Variants in CORO1C observed in about 807,000 individuals in gnomAD.
CORO1C encodes the protein coronin-1C.
In CORO1C, 14 loss-of-function variants were observed where a neutral mutation model predicts 51.2. That is an observed-to-expected ratio of 0.27 (90% CI 0.18 to 0.43). The LOEUF is 0.43. Among genes scored for constraint, CORO1C ranks in the 20% least tolerant of loss-of-function variants. CORO1C has a pLI of 1.00. For synonymous variants in CORO1C, 181 were observed against 210.5 expected, an observed-to-expected ratio of 0.86 and a Z score of 1.21; for missense variants, 417 against 607.8, an observed-to-expected ratio of 0.69 and a Z score of 3.30.
intron 8 of CORO1C, among the ~76,000 whole-genome samples, chr12:108,649,973 C>CTA (rs1229835121): frequency 6.6e-6 from 1 of 152,160 alleles, no homozygotes; most frequent in Non-Finnish European, 1.5e-5. Flanking sequence ...AAACCTGCAG[C>CTA]CTTTGGCATC....
intron 1 of CORO1C, among the ~76,000 whole-genome samples, chr12:108,727,811 T>C (rs2035627453): frequency 6.6e-6 from 1 of 152,144 alleles, no homozygotes; most frequent in African/African-American, 2.4e-5. Flanking sequence ...AAAGGACATG[T>C]CAGAATCCAA....
At chr12:108,670,708 C>A (rs2033682056) in intron 3 of CORO1C, among the ~76,000 whole-genome samples, 1 of 151,732 alleles carries the variant, frequency 6.6e-6, no homozygotes, top group Non-Finnish European at 1.5e-5. Flanking sequence ...AGGTTGAACT[C>A]CAAAATTACT....
chr12:108,724,824 A>T (rs1467841824), intron 1 of CORO1C, among the ~76,000 whole-genome samples: 2 of 152,180 alleles, frequency 1.3e-5, no homozygotes, highest in African/African-American at 4.8e-5. Context: ...CCTTTGCATT[A>T]TATTAATTAC....
At chr12:108,712,913 TAAAAAA>T (rs142742201) in intron 1 of CORO1C, among the ~76,000 whole-genome samples, 1 of 128,078 alleles carries the variant, frequency 7.8e-6, no homozygotes, top group Non-Finnish European at 1.6e-5. Context: ...CATGTCTCTT[TAAAAAA>T]AAAAAAAAAA....
intron 2 of CORO1C, among the ~76,000 whole-genome samples, chr12:108,689,858 A>G (rs1754576557): frequency 6.6e-6 from 1 of 152,160 alleles, no homozygotes; most frequent in Non-Finnish European, 1.5e-5. Context: ...GAATTCTTCA[A>G]CTCAGCAAGG....
chr12:108,664,105 T>A (rs1475272743), intron 3 of CORO1C, among the ~76,000 whole-genome samples: 1 of 152,210 alleles, frequency 6.6e-6, no homozygotes, highest in Admixed American at 6.5e-5. Context: ...TTAAATAATA[T>A]TTAAGTTTAT....
At chr12:108,713,963 C>T (rs915376173) in intron 1 of CORO1C, among the ~76,000 whole-genome samples, 1 of 152,164 alleles carries the variant, frequency 6.6e-6, no homozygotes, top group African/African-American at 2.4e-5. Context: ...AATCAAAATA[C>T]AGAAACCAGC....
rs1326224275 is a variant in CORO1C, at chr12:108,656,172, C to T, written c.750+1132G>A. Among the ~76,000 whole-genome samples the T allele has an allele frequency of 8.5e-5, 4 of 47,244 alleles. 1 individual carries two copies. The South Asian group carries it at 4.4e-3, about 52-fold the overall frequency. The allele number at this position is 47,244 out of a possible 152,430, so 31.0% of individuals were successfully genotyped here. On this transcript the variant is annotated intron_variant, in intron 6 of 10. Transcript: ENST00000261401. ...CCGCCCCGTCTGAGAAGTGAGGAGC[C>T]CCTCCGCCCGGCAGCCGCCCCGTCT...
At chr12:108,721,493 TTGTAA>T (rs896708925) in intron 1 of CORO1C, among the ~76,000 whole-genome samples, 4 of 152,248 alleles carry the variant, frequency 2.6e-5, no homozygotes, top group African/African-American at 9.6e-5. Context: ...TGGAGGAGGC[TTGTAA>T]TGTATTTTTT....
chr12:108,678,507 G>T (rs565578461), intron 2 of CORO1C, 113 bp from the exon 3 acceptor site: 3 of 883,142 alleles, frequency 3.4e-6, no homozygotes, highest in Non-Finnish European at 4.9e-6. Context: ...CAATTTTCTA[G>T]ATATGACATC....
chr12:108,726,315 A>T (rs1404117532), intron 1 of CORO1C, among the ~76,000 whole-genome samples: 1 of 150,882 alleles, frequency 6.6e-6, no homozygotes, highest in Non-Finnish European at 1.5e-5. Flanking sequence ...GCTACTTGGG[A>T]GGCTGAGGCG....
chr12:108,730,810 A>C (rs2035705426), intron 1 of CORO1C: 1 of 116,726 alleles, frequency 8.6e-6, no homozygotes, highest in African/African-American at 3.4e-5. Flanking sequence ...CCTGACCCCC[A>C]ACCGAGATCT....
intron 3 of CORO1C, among the ~76,000 whole-genome samples, chr12:108,666,740 G>A (rs2033493073): frequency 6.6e-6 from 1 of 152,208 alleles, no homozygotes; most frequent in Admixed American, 6.5e-5. Context: ...ATTAAGAAGG[G>A]ATTTCACTTC....
rs145870283 is a variant in CORO1C at position 108,717,191 on chromosome 12, C to A, written c.-6+14238G>T. 5.3e-5 allele frequency among the ~76,000 whole-genome samples: 8 copies of A among 152,276 alleles called. No homozygotes were observed. The East Asian group carries it at 1.4e-3, about 26-fold the overall frequency. On this transcript the variant is annotated intron_variant, in intron 1 of 10. Coordinates refer to ENST00000261401, the MANE Select transcript of CORO1C (RefSeq NM_014325.4). ...ATAAGAGAAGAAAAGTGAGTCCCAG[C>A]TGGGAGGAACAACAAAATATCAAAA...
chr12:108,729,744 C>A (rs1210776699), intron 1 of CORO1C, among the ~76,000 whole-genome samples: 1 of 152,150 alleles, frequency 6.6e-6, no homozygotes, highest in Non-Finnish European at 1.5e-5. Flanking sequence ...AGAACCAAGT[C>A]CAAAATAGAT....
chr12:108,717,230 G>C (rs1182656230), intron 1 of CORO1C, among the ~76,000 whole-genome samples: 1 of 152,234 alleles, frequency 6.6e-6, no homozygotes, highest in African/African-American at 2.4e-5. Context: ...TGTATCAAAA[G>C]CAAGCACTTG....
intron 1 of CORO1C, among the ~76,000 whole-genome samples, chr12:108,722,209 A>C (rs34979355): frequency 0.025 from 3,812 of 152,358 alleles, 69 homozygotes; most frequent in Non-Finnish European, 0.04. Flanking sequence ...GTTAAAGAAC[A>C]TGAGTGAAAT....
chr12:108,658,872 G>C lies in CORO1C; in HGVS notation c.496C>G (p.Leu166Val). 6.2e-7 allele frequency: 1 copy of C among 1,613,636 alleles called. No individual in the cohort carries two copies. Among genetic ancestry groups the C allele is most frequent in the Non-Finnish European group, 8.5e-7 (1 of 1,179,576 alleles). ...GAATGCATATCGTCCAAGTTTATAAGGGCTTCCCCTGTTCCCACATTCCAG... is the reference window on the plus strand; with the variant it reads ...GAATGCATATCGTCCAAGTTTATAACGGCTTCCCCTGTTCCCACATTCCAG... ...IIWNVGTGEA[L>V]INLDDMHSDM... The change falls in exon 5 of 11, where the codon CTT (leucine) becomes GTT (valine). Residue 166 changes from leucine (L) to valine (V), a missense_variant. Physicochemically the swap from Leu to Val is conservative, Grantham distance 32 (BLOSUM62 1). Transcript: ENST00000261401. The surrounding 1 kb of genome is among the most constrained non-coding windows in gnomAD (Gnocchi z 4.9).
intron 1 of CORO1C, chr12:108,730,545 G>T (rs1180188033): frequency 6.6e-6 from 1 of 152,354 alleles, no homozygotes; most frequent in Non-Finnish European, 1.5e-5. Context: ...AGTCATTTCG[G>T]CGCAGCGGGG....
Sources: gnomAD v4.1 joint callset for allele counts (sites outside exome capture counted in the v4.1 genomes callset) on GRCh38, gnomAD v4.1.1 for gene constraint, Gnocchi (gnomAD v3.1) non-coding constraint, MANE v1.5 for transcripts, NCBI Gene and HGNC (gene_info 2026-07-23, HGNC 2026-07-21) for gene names.